THOC5: variants seen among roughly 807,000 people sequenced by gnomAD.
THOC5 encodes THO complex subunit 5, also known as Fms-interacting protein.
Under a neutral mutation model 92.9 loss-of-function variants are expected in THOC5, and 43 were observed. That is an observed-to-expected ratio of 0.46 (90% confidence interval 0.36 to 0.60). The LOEUF (loss-of-function observed/expected upper bound fraction) is 0.60. Among genes scored for constraint, THOC5 ranks in the 20% least tolerant of loss-of-function variants. The pLI, the probability that THOC5 is intolerant of heterozygous loss-of-function variation, is 0.00. For synonymous variants in THOC5, 296 were observed against 320.1 expected (o/e 0.92, Z 0.80); for missense variants, 659 against 849.4 (o/e 0.78, Z 2.79).
At chr22:29,534,950 C>G (rs1220838426) in intron 7 of THOC5, 2 of 109,006 alleles carry the variant, frequency 1.8e-5, no homozygotes, top group Admixed American at 1.1e-4. Context: ...TAGAGCGAGA[C>G]TCTGTCTCAA....
chr22:29,511,540 G>T (rs1184092969), intron 18 of THOC5: 3 of 526,270 alleles, frequency 5.7e-6, no homozygotes, highest in African/African-American at 5.7e-5. Context: ...GGAAAACAGA[G>T]GTGTGCAGGG....
intron 7 of THOC5, among the ~76,000 whole-genome samples, chr22:29,532,386 G>A (rs1350419245): frequency 3.3e-5 from 5 of 152,172 alleles, no homozygotes; most frequent in African/African-American, 9.7e-5. Flanking sequence ...TAAACAGGCC[G>A]GGCATAGTGG....
Position 29,508,400 on chromosome 22 carries a change from G to T in THOC5, c.*57C>A. 1.9e-6 allele frequency: 3 copies of T among 1,551,678 alleles called. No individual in the cohort carries two copies. Among genetic ancestry groups the T allele is most frequent in the Admixed American group, 1.7e-5 (1 of 59,380 alleles). ...AGTCACATGTGGGCCAGAGCAGAAA[G>T]CAGAAGCCCAGTGCTCAGGGTGAGG... On this transcript the variant is annotated 3_prime_UTR_variant, in exon 20 of 20. Transcript: ENST00000490103.
At chr22:29,528,332 C>G (rs542850603) in intron 10 of THOC5, 94 bp downstream of exon 10, 3 of 1,614,042 alleles carry the variant, frequency 1.9e-6, no homozygotes, top group Non-Finnish European at 2.5e-6. Context: ...TTCTTTCACA[C>G]CTCTTCTGCT....
intron 2 of THOC5, among the ~76,000 whole-genome samples, chr22:29,546,039 C>G (rs139085401): frequency 1.0e-3 from 152 of 152,382 alleles, no homozygotes; most frequent in Middle Eastern, 3.4e-3. Flanking sequence ...GGTTCCCAAA[C>G]CTCAATTCTT....
intron 17 of THOC5, among the ~76,000 whole-genome samples, chr22:29,516,580 G>T (rs996878282): frequency 6.6e-6 from 1 of 152,230 alleles, no homozygotes. Flanking sequence ...TGAAGAATCA[G>T]AGCTTTCAAT....
In THOC5 at chr22:29,522,803, C is replaced by T. The variant is rs559187208; in HGVS notation, c.1176-1704G>A. On this transcript the variant is annotated intron_variant, in intron 12 of 19. Coordinates refer to ENST00000490103, the MANE Select transcript of THOC5 (RefSeq NM_003678.5). ...AGATCATGAGGTCAAGAGATCGAGACCATCCTGGCCGAAATGGTGAAACCC... is the reference window on the plus strand; with the variant it reads ...AGATCATGAGGTCAAGAGATCGAGATCATCCTGGCCGAAATGGTGAAACCC... Among the ~76,000 whole-genome samples, 261 of 151,772 alleles carry T rather than the reference C, an allele frequency of 1.7e-3. 2 individuals carry two copies. The highest frequency in any genetic ancestry group is 3.4e-3 in the Middle Eastern group (1 of 292).
At chr22:29,515,944 A>G (rs1423315610) in intron 17 of THOC5, among the ~76,000 whole-genome samples, 3 of 152,206 alleles carry the variant, frequency 2.0e-5, no homozygotes, top group Admixed American at 6.5e-5. Flanking sequence ...GCTTGGCAAC[A>G]TAGTAAGAAC....
Position 29,508,476 on chromosome 22 carries a change from C to T in THOC5, c.2033G>A (p.Gly678Glu). The T allele has an allele frequency of 6.2e-7, 1 of 1,614,154 alleles. No individual in the cohort carries two copies. Among genetic ancestry groups the T allele is most frequent in the Non-Finnish European group, 8.5e-7 (1 of 1,180,026 alleles). ...GGGAGATCAGCGATGGCTGAAGAAT[C>T]CCTGAGGATGGTTGTATTTAAATGG... ...MKPFKYNHPQ[G>E]FFSHR Residue 678 changes from glycine (G) to glutamate (E), a missense_variant, in exon 20 of 20, where the codon GGA becomes GAA. Transcript: ENST00000490103.
chr22:29,511,705 G>C (rs902071808), intron 18 of THOC5, among the ~76,000 whole-genome samples: 7 of 152,234 alleles, frequency 4.6e-5, no homozygotes, highest in Non-Finnish European at 8.8e-5. Flanking sequence ...CATTCCTCAT[G>C]TCATTCCAGT....
intron 1 of THOC5, among the ~76,000 whole-genome samples, chr22:29,551,926 C>T (rs2146581258): frequency 6.6e-6 from 1 of 151,886 alleles, no homozygotes; most frequent in East Asian, 1.9e-4. Flanking sequence ...CCTGCAATTG[C>T]AGGCGCGCGC....
At chr22:29,541,893 AATATAT>A (rs55924406) in intron 5 of THOC5, among the ~76,000 whole-genome samples, 2,654 of 73,244 alleles carry the variant, frequency 0.036, 97 homozygotes, top group South Asian at 0.062. Flanking sequence ...AAAAAAAAAA[AATATAT>A]ATATATATAT....
intron 8 of THOC5, among the ~76,000 whole-genome samples, chr22:29,529,903 A>G (rs1293515808): frequency 1.3e-5 from 2 of 152,198 alleles, no homozygotes; most frequent in Admixed American, 6.5e-5. Flanking sequence ...GCACTTTGGG[A>G]GGCCGAGGCA....
At chr22:29,532,614 G>A (rs557279079) in intron 7 of THOC5, among the ~76,000 whole-genome samples, 9 of 152,038 alleles carry the variant, frequency 5.9e-5, no homozygotes, top group African/African-American at 1.9e-4. Context: ...GCGGTGAGCC[G>A]AGATCATGCC....
Position 29,531,937 on chromosome 22 carries a change from C to A in THOC5, c.741G>T (p.Leu247=), listed in dbSNP as rs1255282486. The part of the protein sequence containing the change: ...MQASLPVQEY[L]FMPFDQAHKQ... ...TGTGAGCCTGGTCGAATGGCATAAA[C>A]AGGTACTCCTGCACCGGAAGGGAAG... The change falls in exon 8 of 20, where the codon CTG becomes CTT. Residue 247 remains leucine (L), a synonymous_variant. Transcript: ENST00000490103. 12 of 1,614,080 alleles carry A rather than the reference C, an allele frequency of 7.4e-6. No individual in the cohort carries two copies. The highest frequency in any genetic ancestry group is 1.0e-5 in the Non-Finnish European group (12 of 1,180,052).
chr22:29,528,945 G>A, intron 9 of THOC5: 1 of 572,868 alleles, frequency 1.7e-6, no homozygotes. Flanking sequence ...ACCTTCCTCG[G>A]GGTCAGTCAG....
chr22:29,520,480 GT>G (rs200955877), intron 13 of THOC5, among the ~76,000 whole-genome samples: 1 of 151,720 alleles, frequency 6.6e-6, no homozygotes, highest in Non-Finnish European at 1.5e-5. Context: ...CTTCCAGAGG[GT>G]TTTTTTTGTT....
At chr22:29,538,800 G>T (rs1258521552) in intron 6 of THOC5, among the ~76,000 whole-genome samples, 1 of 32,994 alleles carries the variant, frequency 3.0e-5, no homozygotes, top group African/African-American at 1.1e-4. Context: ...CCATCTCTTT[G>T]GAAAAAAAAA....
At chr22:29,546,601 G>A (rs1421813720) in intron 2 of THOC5, among the ~76,000 whole-genome samples, 4 of 151,168 alleles carry the variant, frequency 2.6e-5, no homozygotes, top group African/African-American at 4.9e-5. Flanking sequence ...CACCAGGCCC[G>A]GCTAATTTCT....
Sources: allele counts gnomAD v4.1 joint callset (sites outside exome capture counted in the v4.1 genomes callset), GRCh38; gene constraint gnomAD v4.1.1; transcripts MANE v1.5; gene names NCBI Gene and HGNC (gene_info 2026-07-23, HGNC 2026-07-21).